The following EXTL3 variants were observed in gnomAD, a reference collection of about 807,000 sequenced individuals.
EXTL3 encodes the protein exostosin-like 3.
A neutral mutation model predicts 69.3 loss-of-function variants in EXTL3; 27 were observed. The ratio of observed to expected loss-of-function variants is 0.39; its 90% CI spans 0.29 to 0.54. The LOEUF (loss-of-function observed/expected upper bound fraction) is 0.54, where lower values mean the gene tolerates loss of function less well. Ranked by LOEUF, EXTL3 falls within the 20% of genes least tolerant of loss-of-function variation. The pLI is 0.69. For synonymous variants in EXTL3, 511 were observed against 499.4 expected (o/e 1.02, Z -0.31); for missense variants, 1,003 against 1,231.8 (o/e 0.81, Z 2.78).
intron 2 of EXTL3, among the ~76,000 whole-genome samples, chr8:28,614,275 T>G: frequency 7.1e-6 from 1 of 139,950 alleles, no homozygotes; most frequent in African/African-American, 2.8e-5. Context: ...TTTTTTGCTT[T>G]TTTTTTTTTT....
At chr8:28,668,650 T>C (rs1383141927) in intron 1 of EXTL3, among the ~76,000 whole-genome samples, 1 of 152,074 alleles carries the variant, frequency 6.6e-6, no homozygotes, top group African/African-American at 2.4e-5. Flanking sequence ...AGTTGTTAAC[T>C]ATTGATGTTA....
chr8:28,722,497 C>T (rs914563327), intron 3 of EXTL3, among the ~76,000 whole-genome samples: 7 of 151,928 alleles, frequency 4.6e-5, no homozygotes, highest in East Asian at 1.9e-4. Context: ...ATGATAGTGC[C>T]GGGCGCAGTG....
chr8:28,739,365 C>T (rs934537941), intron 5 of EXTL3, among the ~76,000 whole-genome samples: 39 of 152,100 alleles, frequency 2.6e-4, no homozygotes, highest in Admixed American at 9.2e-4. Context: ...GTCTCACTGT[C>T]GCCCAGGTTG....
At chr8:28,701,879 G>A (rs1355261038) in intron 1 of EXTL3, among the ~76,000 whole-genome samples, 1 of 152,128 alleles carries the variant, frequency 6.6e-6, no homozygotes, top group Non-Finnish European at 1.5e-5. Context: ...GAGGCCGCCA[G>A]GCCCTCGGCC....
chr8:28,641,208 C>G (rs1806737158), intron 1 of EXTL3, among the ~76,000 whole-genome samples: 1 of 152,156 alleles, frequency 6.6e-6, no homozygotes, highest in Admixed American at 6.5e-5. Context: ...TAGATGCCAT[C>G]TGGATTTGAT....
At chr8:28,691,311 G>A (rs908220816) in intron 1 of EXTL3, among the ~76,000 whole-genome samples, 6 of 152,100 alleles carry the variant, frequency 3.9e-5, no homozygotes, top group African/African-American at 4.8e-5. Context: ...TGTGCTTTTC[G>A]CATTTAACTG....
intron 4 of EXTL3, 50 bp downstream of exon 4, chr8:28,731,400 C>G: frequency 6.2e-7 from 1 of 1,606,558 alleles, no homozygotes; most frequent in Middle Eastern, 1.7e-4. Flanking sequence ...TGACAGAAAA[C>G]CTGGATTAGG....
intron 1 of EXTL3, among the ~76,000 whole-genome samples, chr8:28,660,625 A>G (rs569392323): frequency 3.1e-4 from 47 of 152,178 alleles, no homozygotes; most frequent in African/African-American, 1.1e-3. Flanking sequence ...ATCTTGTGCA[A>G]CCATCACCAC....
intron 2 of EXTL3, among the ~76,000 whole-genome samples, chr8:28,612,443 C>A: frequency 7.0e-6 from 1 of 142,336 alleles, no homozygotes; most frequent in South Asian, 2.2e-4. Context: ...GCCTGGGTGA[C>A]GGAGCGAGAC....
chr8:28,651,618 C>T (rs1437434656), intron 1 of EXTL3, among the ~76,000 whole-genome samples: 1 of 152,178 alleles, frequency 6.6e-6, no homozygotes, highest in African/African-American at 2.4e-5. Flanking sequence ...AGCCACCATG[C>T]CTGACCAGCA....
intron 1 of EXTL3, among the ~76,000 whole-genome samples, chr8:28,676,753 A>T (rs1407382983): frequency 6.6e-6 from 1 of 152,158 alleles, no homozygotes; most frequent in African/African-American, 2.4e-5. Flanking sequence ...ACAGAGGAAG[A>T]TCGCCCAAAG....
At chr8:28,712,552 A>C (rs1801052063) in intron 1 of EXTL3, among the ~76,000 whole-genome samples, 1 of 152,218 alleles carries the variant, frequency 6.6e-6, no homozygotes, top group Non-Finnish European at 1.5e-5. Context: ...TCATTGTTTC[A>C]GTGACATTTA....
At chr8:28,702,757 T>A (rs1800838936) in intron 1 of EXTL3, among the ~76,000 whole-genome samples, 2 of 152,206 alleles carry the variant, frequency 1.3e-5, no homozygotes, top group Non-Finnish European at 2.9e-5. Flanking sequence ...TTCTTGTCAC[T>A]TTGTCCTATT....
upstream of EXTL3, chr8:28,700,469 G>A (rs1268354236): frequency 6.6e-6 from 1 of 152,122 alleles, no homozygotes; most frequent in Non-Finnish European, 1.5e-5. Context: ...CACTGGGCCT[G>A]GGCTCCAGCA....
At chr8:28,671,529 G>A (rs567759670) in intron 1 of EXTL3, among the ~76,000 whole-genome samples, 142 of 151,688 alleles carry the variant, frequency 9.4e-4, no homozygotes, top group Non-Finnish European at 1.4e-3. Context: ...TAGTAGAGAT[G>A]GGGTTTCACC....
intron 2 of EXTL3, among the ~76,000 whole-genome samples, chr8:28,614,540 C>T (rs1403349702): frequency 6.6e-6 from 1 of 152,012 alleles, no homozygotes; most frequent in Non-Finnish European, 1.5e-5. Context: ...TCCCAAAGTG[C>T]TGGGATTACA....
chr8:28,633,046 A>G (rs1377926996), intron 1 of EXTL3, among the ~76,000 whole-genome samples: 1 of 152,180 alleles, frequency 6.6e-6, no homozygotes, highest in Non-Finnish European at 1.5e-5. Context: ...TGGGAAAAAA[A>G]TTAAAATAGA....
At chr8:28,737,465 T>C in intron 4 of EXTL3, 54 bp from the exon 5 acceptor site, 2 of 1,607,112 alleles carry the variant, frequency 1.2e-6, no homozygotes, top group Non-Finnish European at 1.7e-6. Flanking sequence ...TGAACACTTC[T>C]GATGACCCTA....
Position 28,701,528 on chromosome 8 carries a change from C to G in EXTL3, c.-701C>G, listed in dbSNP as rs954772626. The G allele has an allele frequency of 6.5e-6, 1 of 152,704 alleles. No homozygotes were observed. Among genetic ancestry groups the G allele is most frequent in the South Asian group, 1.8e-4 (1 of 5,636 alleles). The allele number at this position is 152,704 out of a possible 1,614,324, so 9.5% of individuals were successfully genotyped here. A position where few individuals can be genotyped will look rare whatever the true frequency, so the allele number is the denominator to read the frequency against. ...GCAGTCGCCTGTCGGAAATGGCTGC[C>G]GGCCGGCAGGGGGAGCGGCGGATCA... is the stretch of plus-strand genomic sequence containing the variant. On this transcript the variant is annotated 5_prime_UTR_variant, in exon 1 of 7. Coordinates refer to ENST00000220562, the MANE Select transcript of EXTL3 (RefSeq NM_001440.4).
Sources: allele counts gnomAD v4.1 joint callset (sites outside exome capture counted in the v4.1 genomes callset), GRCh38; gene constraint gnomAD v4.1.1; transcripts MANE v1.5; gene names NCBI Gene and HGNC (gene_info 2026-07-23, HGNC 2026-07-21).